The following TAOK3 variants were observed in gnomAD, a reference collection of about 807,000 sequenced individuals.
TAOK3 encodes the protein serine/threonine-protein kinase TAO3.
TAOK3 carries 40 observed loss-of-function variants against 120.4 expected under a neutral mutation model. The ratio of observed to expected loss-of-function variants is 0.33; its 90% confidence interval spans 0.26 to 0.43. The LOEUF (loss-of-function observed/expected upper bound fraction) is 0.43, where lower values mean the gene tolerates loss of function less well. Ranked by LOEUF, TAOK3 falls within the 20% of genes least tolerant of loss-of-function variation. The pLI, the probability that TAOK3 is intolerant of heterozygous loss-of-function variation, is 1.00. For synonymous variants in TAOK3, 355 were observed against 387.5 expected, an observed-to-expected ratio of 0.92 and a Z score of 0.99; for missense variants, 821 against 1,112.1, an observed-to-expected ratio of 0.74 and a Z score of 3.72.
intron 1 of TAOK3, among the ~76,000 whole-genome samples, chr12:118,269,381 T>C (rs1435769350): frequency 7.0e-6 from 1 of 142,858 alleles, no homozygotes; most frequent in African/African-American, 2.6e-5. Flanking sequence ...TATCTCTCTC[T>C]TCTTTTTTTT....
At chr12:118,170,746 G>A (rs1348880084) in intron 17 of TAOK3, among the ~76,000 whole-genome samples, 2 of 152,200 alleles carry the variant, frequency 1.3e-5, no homozygotes, top group East Asian at 3.9e-4. Flanking sequence ...CTGGGCAACA[G>A]AGCGAGACTC....
At chr12:118,243,856 T>G (rs574932312) in intron 4 of TAOK3, among the ~76,000 whole-genome samples, 2 of 152,196 alleles carry the variant, frequency 1.3e-5, no homozygotes, top group South Asian at 2.1e-4. Flanking sequence ...TTTTTGTATT[T>G]TTAGTAGAGA....
chr12:118,332,257 C>T (rs1279637810), intron 1 of TAOK3, among the ~76,000 whole-genome samples: 1 of 152,124 alleles, frequency 6.6e-6, no homozygotes, highest in East Asian at 1.9e-4. Context: ...TCCTTATCCA[C>T]CTCCACCCTT....
intron 9 of TAOK3, among the ~76,000 whole-genome samples, chr12:118,224,002 C>T (rs993393772): frequency 2.0e-5 from 3 of 152,160 alleles, no homozygotes; most frequent in Admixed American, 2.0e-4. Context: ...ACAAAATAAT[C>T]GCTACCATTT....
intron 1 of TAOK3, among the ~76,000 whole-genome samples, chr12:118,348,543 C>T (rs111659049): frequency 0.033 from 5,006 of 151,958 alleles, 271 homozygotes; most frequent in African/African-American, 0.11. Flanking sequence ...CTCTGCCTCC[C>T]GGGCTCACGC....
chr12:118,195,697 C>T (rs1314066605), intron 13 of TAOK3, among the ~76,000 whole-genome samples: 4 of 152,084 alleles, frequency 2.6e-5, no homozygotes, highest in East Asian at 3.9e-4. Context: ...AAATAAGTAC[C>T]TAAAATTTAT....
intron 17 of TAOK3, among the ~76,000 whole-genome samples, chr12:118,163,439 C>CT (rs71069421): frequency 0.2 from 24,267 of 123,138 alleles, 2,448 homozygotes; most frequent in South Asian, 0.26. Flanking sequence ...CAGGGACATA[C>CT]TTTTTTTTTG....
At chr12:118,225,772 A>AT (rs1367180818) in intron 9 of TAOK3, among the ~76,000 whole-genome samples, 1 of 152,218 alleles carries the variant, frequency 6.6e-6, no homozygotes, top group African/African-American at 2.4e-5. Flanking sequence ...AATTGTATAT[A>AT]TTTAAGGTGT....
chr12:118,343,418 C>A (rs2044713887), intron 1 of TAOK3, among the ~76,000 whole-genome samples: 1 of 148,104 alleles, frequency 6.8e-6, no homozygotes, highest in African/African-American at 2.5e-5. Context: ...CAGAGTGAGT[C>A]CCTGTCTCAA....
chr12:118,353,603 G>T (rs191465114), intron 1 of TAOK3, among the ~76,000 whole-genome samples: 13 of 152,216 alleles, frequency 8.5e-5, no homozygotes, highest in Admixed American at 8.5e-4. Flanking sequence ...ATCATGATGA[G>T]TTGGGAAAAA....
At chr12:118,354,734 C>T (rs2045323179) in intron 1 of TAOK3, among the ~76,000 whole-genome samples, 1 of 152,098 alleles carries the variant, frequency 6.6e-6, no homozygotes, top group South Asian at 2.1e-4. Flanking sequence ...AGTTTCTCTG[C>T]ACAAGCTCTC....
intron 1 of TAOK3, among the ~76,000 whole-genome samples, chr12:118,328,789 G>T (rs2044031801): frequency 6.6e-6 from 1 of 152,198 alleles, no homozygotes; most frequent in Admixed American, 6.5e-5. Context: ...GTATAAAGAA[G>T]TGCAGTGTTA....
chr12:118,180,848 A>ATTT (rs1296532215), intron 15 of TAOK3, among the ~76,000 whole-genome samples: 2 of 143,168 alleles, frequency 1.4e-5, no homozygotes, highest in Non-Finnish European at 3.1e-5. Flanking sequence ...CATAAGTATA[A>ATTT]TTTTTTTTTT....
chr12:118,350,670 C>T (rs2045100812), intron 1 of TAOK3, among the ~76,000 whole-genome samples: 1 of 150,578 alleles, frequency 6.6e-6, no homozygotes, highest in African/African-American at 2.4e-5. Flanking sequence ...ACCAGCTTGG[C>T]CAACATGGTG....
chr12:118,363,018 CAAAAAAAAAAA>C (rs60475060), intron 1 of TAOK3, among the ~76,000 whole-genome samples: 210 of 45,902 alleles, frequency 4.6e-3, no homozygotes, highest in Non-Finnish European at 6.5e-3. Flanking sequence ...GACTCCGTAT[CAAAAAAAAAAA>C]AAAAAAAAAA....
At chr12:118,213,043 C>T in intron 10 of TAOK3, 48 bp from the exon 11 acceptor site, 1 of 1,207,358 alleles carries the variant, frequency 8.3e-7, no homozygotes, top group Non-Finnish European at 1.1e-6. Flanking sequence ...GTCTGTAGAG[C>T]ACACTGATTA....
At chr12:118,234,211 AATTTTTTTTTT>A (rs2039912304) in intron 8 of TAOK3, among the ~76,000 whole-genome samples, 1 of 95,066 alleles carries the variant, frequency 1.1e-5, no homozygotes, top group Non-Finnish European at 2.4e-5. Context: ...TAAAGCAGGA[AATTTTTTTTTT>A]TTTTTTTTTT....
At chr12:118,305,812 G>A (rs2043030630) in intron 1 of TAOK3, among the ~76,000 whole-genome samples, 1 of 150,360 alleles carries the variant, frequency 6.7e-6, no homozygotes, top group Non-Finnish European at 1.5e-5. Flanking sequence ...GCTGAGGAAG[G>A]AGCATTGCTT....
intron 13 of TAOK3, among the ~76,000 whole-genome samples, chr12:118,196,453 C>T (rs1293452224): frequency 6.6e-6 from 1 of 151,964 alleles, no homozygotes; most frequent in African/African-American, 2.4e-5. Context: ...TAAGATATGT[C>T]TGCTTGTGAG....
Sources: allele counts gnomAD v4.1 joint callset (sites outside exome capture counted in the v4.1 genomes callset), GRCh38; gene constraint gnomAD v4.1.1; transcripts MANE v1.5; gene names NCBI Gene and HGNC (gene_info 2026-07-23, HGNC 2026-07-21).